Variants in LIMCH1 observed in about 807,000 individuals in gnomAD.
LIMCH1 encodes the protein LIM and calponin homology domains-containing protein 1.
LIMCH1 carries 113 observed loss-of-function variants against 176.5 expected under a neutral mutation model. The ratio of observed to expected loss-of-function variants is 0.64; its 90% confidence interval spans 0.55 to 0.75. LIMCH1 has a LOEUF of 0.75. LIMCH1 is among the 30% of genes least tolerant of loss of function. The pLI, the probability that LIMCH1 is intolerant of heterozygous loss-of-function variation, is 0.00. For missense variants in LIMCH1, 1,674 were observed against 1,814.9 expected (o/e 0.92, Z 1.41); for synonymous variants, 619 against 645.9 (o/e 0.96, Z 0.63).
chr4:41,607,832 C>T (rs2090927558), intron 4 of LIMCH1, among the ~76,000 whole-genome samples: 1 of 152,136 alleles, frequency 6.6e-6, no homozygotes, highest in African/African-American at 2.4e-5. Flanking sequence ...TCCCTGGATA[C>T]ATGACTCTTA....
chr4:41,442,256 T>C (rs959549464), intron 1 of LIMCH1, among the ~76,000 whole-genome samples: 1 of 152,132 alleles, frequency 6.6e-6, no homozygotes, highest in Non-Finnish European at 1.5e-5. Context: ...GCCATGATTA[T>C]GTTACTGCCT....
chr4:41,562,099 C>T (rs2082142959), intron 1 of LIMCH1, among the ~76,000 whole-genome samples: 1 of 152,134 alleles, frequency 6.6e-6, no homozygotes, highest in Non-Finnish European at 1.5e-5. Context: ...TACCCTTTTT[C>T]AGGTGTTCCT....
chr4:41,627,070 G>A, intron 8 of LIMCH1, 60 bp downstream of exon 8: 1 of 1,476,802 alleles, frequency 6.8e-7, no homozygotes, highest in Admixed American at 2.2e-5. Flanking sequence ...AAGAGACACA[G>A]GGAGAGAGGA....
intron 14 of LIMCH1, among the ~76,000 whole-genome samples, chr4:41,643,008 GC>G (rs2093899174): frequency 6.6e-6 from 1 of 152,188 alleles, no homozygotes; most frequent in African/African-American, 2.4e-5. Context: ...CTTCTGTGCA[GC>G]CAGATTATTA....
At chr4:41,390,926 G>A (rs917248252) in intron 1 of LIMCH1, among the ~76,000 whole-genome samples, 1 of 152,106 alleles carries the variant, frequency 6.6e-6, no homozygotes, top group Non-Finnish European at 1.5e-5. Context: ...AGAGTGGCTT[G>A]GATATGGTCC....
At chr4:41,469,370 C>A (rs539278800) in intron 1 of LIMCH1, among the ~76,000 whole-genome samples, 12 of 152,158 alleles carry the variant, frequency 7.9e-5, no homozygotes, top group Non-Finnish European at 1.8e-4. Flanking sequence ...CTCTTTCAAT[C>A]AGTAATAGGT....
chr4:41,507,126 G>A (rs2074277676), intron 2 of LIMCH1, among the ~76,000 whole-genome samples: 1 of 152,226 alleles, frequency 6.6e-6, no homozygotes, highest in Admixed American at 6.5e-5. Flanking sequence ...CACATGAACA[G>A]CCAAATGGAA....
intron 1 of LIMCH1, among the ~76,000 whole-genome samples, chr4:41,570,296 C>T (rs1479967865): frequency 1.3e-5 from 2 of 152,244 alleles, no homozygotes; most frequent in African/African-American, 4.8e-5. Flanking sequence ...GCTTATAGCA[C>T]TAACAAAACT....
At chr4:41,434,943 T>C (rs2061933909) in intron 1 of LIMCH1, among the ~76,000 whole-genome samples, 3 of 152,226 alleles carry the variant, frequency 2.0e-5, no homozygotes, top group Admixed American at 6.5e-5. Flanking sequence ...TACAGTTGGG[T>C]CTCCCTTTTT....
At chr4:41,482,198 T>C (rs1254044452) in intron 1 of LIMCH1, among the ~76,000 whole-genome samples, 1 of 152,126 alleles carries the variant, frequency 6.6e-6, no homozygotes, top group Non-Finnish European at 1.5e-5. Context: ...CAAGTAGAGA[T>C]GTTGACTAAG....
chr4:41,459,724 C>A (rs892560111), intron 1 of LIMCH1, among the ~76,000 whole-genome samples: 2 of 152,080 alleles, frequency 1.3e-5, no homozygotes, highest in Admixed American at 6.6e-5. Context: ...CAAGAAGCTA[C>A]CACTAACTAC....
chr4:41,609,244 T>G (rs1584812263), intron 4 of LIMCH1, among the ~76,000 whole-genome samples: 2 of 10,804 alleles, frequency 1.9e-4, no homozygotes, highest in African/African-American at 3.1e-4. Context: ...CACCTTATGT[T>G]TTTTTTTTTT....
upstream of LIMCH1, among the ~76,000 whole-genome samples, chr4:41,537,652 T>A (rs2078100478): frequency 6.6e-6 from 1 of 152,194 alleles, no homozygotes. Flanking sequence ...ATGGGGTTGA[T>A]AAATCCCATC....
chr4:41,612,863 T>TC (rs1274098755), intron 4 of LIMCH1: 1 of 1,369,210 alleles, frequency 7.3e-7, no homozygotes, highest in Non-Finnish European at 9.6e-7. Context: ...TTTTTTTTTT[T>TC]TTTTTTTAAC....
At chr4:41,460,476 A>ATATATATATATCTATC (rs965621988) in intron 1 of LIMCH1, among the ~76,000 whole-genome samples, 2 of 142,652 alleles carry the variant, frequency 1.4e-5, no homozygotes, top group South Asian at 4.5e-4. Flanking sequence ...ATATATATAT[A>ATATATATATATCTATC]TATCTTATAA....
chr4:41,664,158 A>G (rs1453700404), intron 20 of LIMCH1, among the ~76,000 whole-genome samples: 6 of 152,204 alleles, frequency 3.9e-5, no homozygotes, highest in Non-Finnish European at 7.3e-5. Flanking sequence ...ATGGGCCACC[A>G]CTACGGACTT....
intron 1 of LIMCH1, among the ~76,000 whole-genome samples, chr4:41,419,684 CTTCCTTCCT>C (rs2060409694): frequency 1.9e-5 from 1 of 52,844 alleles, no homozygotes; most frequent in African/African-American, 9.6e-5. Flanking sequence ...TTCCTTCCTC[CTTCCTTCCT>C]TCCTTCCTTC....
At chr4:41,663,654 G>A (rs1182848316) in intron 20 of LIMCH1, among the ~76,000 whole-genome samples, 1 of 151,736 alleles carries the variant, frequency 6.6e-6, no homozygotes, top group African/African-American at 2.4e-5. Context: ...TTGTTTTCAG[G>A]TACAGAGTCT....
At chr4:41,663,229 C>G (rs1021265803) in intron 20 of LIMCH1, among the ~76,000 whole-genome samples, 2 of 151,248 alleles carry the variant, frequency 1.3e-5, no homozygotes, top group African/African-American at 4.9e-5. Context: ...TCTCTGCTCA[C>G]CACAACTTCT....
Sources: gnomAD v4.1 joint callset for allele counts (sites outside exome capture counted in the v4.1 genomes callset) on GRCh38, gnomAD v4.1.1 for gene constraint, MANE v1.5 for transcripts, NCBI Gene and HGNC (gene_info 2026-07-23, HGNC 2026-07-21) for gene names.